The following ADAMTS12 variants were observed in gnomAD, a reference collection of about 807,000 sequenced individuals.
ADAMTS12 encodes ADAM metallopeptidase with thrombospondin type 1 motif 12.
In ADAMTS12, 118 loss-of-function variants were observed where a neutral mutation model predicts 167.8. The ratio of observed to expected loss-of-function variants is 0.70; its 90% CI spans 0.61 to 0.82. The LOEUF (loss-of-function observed/expected upper bound fraction) is 0.82. ADAMTS12 is among the 40% of genes least tolerant of loss of function. The pLI, the probability that ADAMTS12 is intolerant of heterozygous loss-of-function variation, is 0.00. For missense variants in ADAMTS12, 1,916 were observed against 1,998.8 expected (o/e 0.96, Z 0.79); for synonymous variants, 704 against 716.9 (o/e 0.98, Z 0.29).
intron 19 of ADAMTS12, among the ~76,000 whole-genome samples, chr5:33,573,427 G>T (rs1421442380): frequency 6.6e-6 from 1 of 152,088 alleles, no homozygotes; most frequent in Non-Finnish European, 1.5e-5. Context: ...ACAGAACAGA[G>T]CCCTCAGAAA....
At chr5:33,594,920 A>C (rs1747837890) in intron 17 of ADAMTS12, among the ~76,000 whole-genome samples, 4 of 152,072 alleles carry the variant, frequency 2.6e-5, no homozygotes, top group Admixed American at 2.6e-4. Flanking sequence ...TTTAGAATCC[A>C]CCCTGTCACC....
At chr5:33,837,779 A>ATACT (rs1407355479) in intron 2 of ADAMTS12, among the ~76,000 whole-genome samples, 1 of 152,240 alleles carries the variant, frequency 6.6e-6, no homozygotes, top group African/African-American at 2.4e-5. Flanking sequence ...GTTACTTAGT[A>ATACT]AACACTTCTT....
At chr5:33,540,874 G>A (rs2111784470) in intron 22 of ADAMTS12, among the ~76,000 whole-genome samples, 1 of 152,214 alleles carries the variant, frequency 6.6e-6, no homozygotes, top group East Asian at 1.9e-4. Flanking sequence ...ACAAAGATGG[G>A]GAGAAACCAG....
rs772459883 is a variant in ADAMTS12, at chr5:33,624,254, A to G, written c.2120T>C (p.Met707Thr). ...ACCAGATCCTTCCTTCTGCTTAAAC[A>G]TCTTTCTCACAGTCTGGCAGGAAGA... ...DGSSCQTVRK[M>T]FKQKEGSGYV... The change falls in exon 14 of 24, where the codon ATG becomes ACG. Residue 707 changes from methionine (M) to threonine (T), a missense_variant. Physicochemically the swap from Met to Thr is moderately conservative, Grantham distance 81. Transcript: ENST00000504830. 2 of 1,614,060 alleles carry G rather than the reference A, an allele frequency of 1.2e-6. No homozygotes were observed. The highest frequency in any genetic ancestry group is 4.5e-5 in the East Asian group (2 of 44,866).
At chr5:33,662,792 C>T (rs543139862) in intron 5 of ADAMTS12, among the ~76,000 whole-genome samples, 3 of 152,328 alleles carry the variant, frequency 2.0e-5, no homozygotes, top group South Asian at 2.1e-4. Context: ...TTAGTGGCTC[C>T]GGTTTAATTT....
At chr5:33,791,315 C>T (rs28472719) in intron 2 of ADAMTS12, among the ~76,000 whole-genome samples, 7,585 of 152,232 alleles carry the variant, frequency 0.05, 676 homozygotes, top group African/African-American at 0.17. Flanking sequence ...TATTAATATG[C>T]TCTGTAATGC....
chr5:33,643,236 TCTC>T, intron 10 of ADAMTS12, 139 bp downstream of exon 10: 1 of 718,134 alleles, frequency 1.4e-6, no homozygotes, highest in Non-Finnish European at 2.3e-6. Flanking sequence ...ATGTGGGTGA[TCTC>T]CTCTGGCTGG....
At chr5:33,810,194 AT>A (rs1747402332) in intron 2 of ADAMTS12, among the ~76,000 whole-genome samples, 1 of 152,178 alleles carries the variant, frequency 6.6e-6, no homozygotes, top group Non-Finnish European at 1.5e-5. Context: ...CAGAACACTC[AT>A]CTGGTAGCAG....
chr5:33,868,020 C>T (rs1580005547), intron 2 of ADAMTS12, among the ~76,000 whole-genome samples: 4 of 152,180 alleles, frequency 2.6e-5, no homozygotes, highest in Admixed American at 2.6e-4. Flanking sequence ...CTCTTTCCTC[C>T]TCTGGCCGTG....
chr5:33,572,152 T>C (rs1323150111), intron 19 of ADAMTS12, among the ~76,000 whole-genome samples: 9 of 152,030 alleles, frequency 5.9e-5, no homozygotes, highest in African/African-American at 1.2e-4. Flanking sequence ...GATTCACAGC[T>C]GAATTCTACC....
chr5:33,681,070 A>G (rs28694452), intron 5 of ADAMTS12, among the ~76,000 whole-genome samples: 8,016 of 152,276 alleles, frequency 0.053, 434 homozygotes, highest in East Asian at 0.17. Context: ...TTTAAATGTC[A>G]AAAGGATATA....
intron 16 of ADAMTS12, among the ~76,000 whole-genome samples, chr5:33,603,286 C>A (rs1373666301): frequency 6.6e-6 from 1 of 152,118 alleles, no homozygotes; most frequent in Admixed American, 6.5e-5. Context: ...TGAGCTTTTG[C>A]CCAAATATTT....
rs756337774 is a variant in ADAMTS12, at chr5:33,546,093, A to C, written c.4412T>G (p.Leu1471Arg). 6.2e-7 allele frequency: 1 copy of C among 1,613,772 alleles called. No individual in the cohort carries two copies. Among genetic ancestry groups the C allele is most frequent in the South Asian group, 1.1e-5 (1 of 91,038 alleles). Residue 1471 changes from leucine (L) to arginine (R), a missense_variant, in exon 22 of 24, where the codon CTG becomes CGG. By Grantham distance (102) the Leu-to-Arg change is moderately radical (BLOSUM62 -2). Transcript: ENST00000504830. ...GTTCCCAGTGGCCCAGTGACAGCAC[A>C]GGTGCTCATTGCAAGACATGGTGGA... Reference protein sequence around the residue: ...PTSTMSCNEHLCCHWATGNWD... With the variant: ...PTSTMSCNEHRCCHWATGNWD...
intron 5 of ADAMTS12, among the ~76,000 whole-genome samples, chr5:33,672,662 G>A (rs182462105): frequency 6.6e-6 from 1 of 152,278 alleles, no homozygotes; most frequent in Non-Finnish European, 1.5e-5. Context: ...ACGTGTGTCT[G>A]TTTCGAAAAA....
chr5:33,575,555 A>C (rs978489397), intron 19 of ADAMTS12, among the ~76,000 whole-genome samples: 1 of 152,130 alleles, frequency 6.6e-6, no homozygotes, highest in Non-Finnish European at 1.5e-5. Context: ...CCTATATATA[A>C]ATTTTTAGCT....
chr5:33,630,114 C>T (rs903128302), intron 13 of ADAMTS12, among the ~76,000 whole-genome samples: 5 of 152,214 alleles, frequency 3.3e-5, no homozygotes, highest in Non-Finnish European at 5.9e-5. Flanking sequence ...ATTAAAACAT[C>T]TTCCTTTAAC....
At chr5:33,670,060 T>C (rs1741617016) in intron 5 of ADAMTS12, among the ~76,000 whole-genome samples, 1 of 151,570 alleles carries the variant, frequency 6.6e-6, no homozygotes, top group Admixed American at 6.6e-5. Context: ...ATGAAGAGGA[T>C]AAAAAGAGCT....
intron 20 of ADAMTS12, among the ~76,000 whole-genome samples, chr5:33,554,971 A>C (rs1745424947): frequency 6.6e-6 from 1 of 152,238 alleles, no homozygotes; most frequent in African/African-American, 2.4e-5. Flanking sequence ...TATTACAAAA[A>C]AAAAGTAAAA....
intron 1 of ADAMTS12, among the ~76,000 whole-genome samples, chr5:33,885,840 A>C (rs7447613): frequency 0.44 from 66,144 of 152,030 alleles, 15,220 homozygotes; most frequent in East Asian, 0.65. Context: ...GTGACAGATC[A>C]ACAGGAGTGT....
Sources: allele counts gnomAD v4.1 joint callset (sites outside exome capture counted in the v4.1 genomes callset), GRCh38; gene constraint gnomAD v4.1.1; transcripts MANE v1.5; gene names NCBI Gene and HGNC (gene_info 2026-07-23, HGNC 2026-07-21).